The following RHPN2 variants were observed in gnomAD, a reference collection of about 807,000 sequenced individuals.
RHPN2 encodes the protein rhophilin Rho GTPase binding protein 2.
A neutral mutation model predicts 79.0 loss-of-function variants in RHPN2; 40 were observed. That is an observed-to-expected ratio of 0.51 (90% CI 0.39 to 0.66). The LOEUF (loss-of-function observed/expected upper bound fraction) is 0.66. Ranked by LOEUF, RHPN2 falls within the 30% of genes least tolerant of loss-of-function variation. The pLI, the probability that RHPN2 is intolerant of heterozygous loss-of-function variation, is 0.00. For synonymous variants in RHPN2, 285 were observed against 363.5 expected (o/e 0.78, Z 2.46); for missense variants, 686 against 883.5 (o/e 0.78, Z 2.83).
intron 14 of RHPN2, among the ~76,000 whole-genome samples, chr19:32,989,871 G>A (rs1306891237): frequency 1.3e-5 from 2 of 152,108 alleles, no homozygotes; most frequent in Non-Finnish European, 2.9e-5. Context: ...CTGGGAGGCC[G>A]AGGCTGGCAG....
At chr19:33,029,630 T>C (rs1460793413) in intron 2 of RHPN2, among the ~76,000 whole-genome samples, 1 of 151,982 alleles carries the variant, frequency 6.6e-6, no homozygotes, top group African/African-American at 2.4e-5. Context: ...ATCAATTCAA[T>C]GTGGAAAAGA....
chr19:33,013,933 G>T (rs1199956019), intron 4 of RHPN2, among the ~76,000 whole-genome samples: 1 of 151,966 alleles, frequency 6.6e-6, no homozygotes, highest in East Asian at 1.9e-4. Context: ...GGAGTGCAGT[G>T]GTGCGATCGC....
intron 4 of RHPN2, among the ~76,000 whole-genome samples, chr19:33,015,541 G>T (rs1971870989): frequency 6.6e-6 from 1 of 151,972 alleles, no homozygotes; most frequent in Non-Finnish European, 1.5e-5. Context: ...CACACATTAA[G>T]AAAAATAAGA....
intron 1 of RHPN2, among the ~76,000 whole-genome samples, chr19:33,058,473 C>CT (rs1972252362): frequency 6.6e-6 from 1 of 152,064 alleles, no homozygotes; most frequent in African/African-American, 2.4e-5. Context: ...TCATTTGATC[C>CT]TTAAGTGTGC....
intron 1 of RHPN2, among the ~76,000 whole-genome samples, chr19:33,055,476 G>A (rs1972224310): frequency 6.6e-6 from 1 of 151,986 alleles, no homozygotes; most frequent in Admixed American, 6.6e-5. Flanking sequence ...TTGACTCAAG[G>A]GTCCAAGGGG....
At chr19:33,063,572 G>C (rs746061093) in intron 1 of RHPN2, among the ~76,000 whole-genome samples, 1 of 152,120 alleles carries the variant, frequency 6.6e-6, no homozygotes, top group Non-Finnish European at 1.5e-5. Context: ...CCTGGCCAAG[G>C]GCCAAAAGCT....
intron 3 of RHPN2, among the ~76,000 whole-genome samples, chr19:33,025,720 A>C (rs972198060): frequency 6.6e-6 from 1 of 152,236 alleles, no homozygotes; most frequent in African/African-American, 2.4e-5. Context: ...ATGAGGAAAT[A>C]ATTAGCCAAC....
chr19:33,007,906 G>C (rs1172451222), intron 7 of RHPN2, 108 bp downstream of exon 7: 2 of 1,018,854 alleles, frequency 2.0e-6, no homozygotes, highest in African/African-American at 3.5e-5. Flanking sequence ...GCTGGAGACT[G>C]GTCTGGCCCT....
At chr19:33,032,651 A>T (rs950552317) in intron 2 of RHPN2, among the ~76,000 whole-genome samples, 6 of 152,190 alleles carry the variant, frequency 3.9e-5, no homozygotes, top group African/African-American at 1.4e-4. Context: ...ACAGGTCACA[A>T]TCTGCAGCTT....
intron 3 of RHPN2, 77 bp downstream of exon 3, chr19:33,026,427 C>T (rs560079119): frequency 1.7e-4 from 261 of 1,573,524 alleles, no homozygotes; most frequent in Non-Finnish European, 2.1e-4. Flanking sequence ...CGCTATCTGA[C>T]CTCTTTGTGC....
At chr19:33,026,705 C>G in intron 2 of RHPN2, 73 bp from the exon 3 acceptor site, 1 of 1,545,308 alleles carries the variant, frequency 6.5e-7, no homozygotes, top group African/African-American at 1.4e-5. Context: ...GACCCAATCC[C>G]CAGTCCCTGC....
intron 1 of RHPN2, among the ~76,000 whole-genome samples, chr19:33,057,185 A>C (rs1972240860): frequency 6.6e-6 from 1 of 151,284 alleles, no homozygotes; most frequent in Admixed American, 6.6e-5. Context: ...TCTACAAAAA[A>C]TTTAAAAATT....
chr19:33,059,329 C>T (rs1269548477), intron 1 of RHPN2, among the ~76,000 whole-genome samples: 15 of 147,250 alleles, frequency 1.0e-4, no homozygotes, highest in African/African-American at 3.6e-4. Context: ...GACGGAGTCT[C>T]GCTCTGCTGC....
At chr19:32,980,931 G>A (rs553355900) in intron 14 of RHPN2, among the ~76,000 whole-genome samples, 13 of 152,038 alleles carry the variant, frequency 8.6e-5, no homozygotes, top group African/African-American at 2.2e-4. Flanking sequence ...TCCGCCTCCC[G>A]GGTTCACGCC....
chr19:33,034,875 G>A (rs766468576), intron 2 of RHPN2, among the ~76,000 whole-genome samples: 19 of 151,988 alleles, frequency 1.3e-4, no homozygotes, highest in Admixed American at 2.0e-4. Flanking sequence ...GAGGCAGGAG[G>A]ACTGCTTGAG....
intron 1 of RHPN2, among the ~76,000 whole-genome samples, chr19:33,046,106 C>T: frequency 6.6e-6 from 1 of 152,202 alleles, no homozygotes; most frequent in South Asian, 2.1e-4. Flanking sequence ...CATCATTCAT[C>T]ATACAATGGG....
At chr19:33,064,678 C>T (rs945966328) in intron 1 of RHPN2, 106 bp downstream of exon 1, 114 of 1,243,434 alleles carry the variant, frequency 9.2e-5, no homozygotes, top group Non-Finnish European at 1.1e-4. Flanking sequence ...CCTCCCCCTC[C>T]CGGCCTAGTG....
intron 2 of RHPN2, among the ~76,000 whole-genome samples, chr19:33,033,855 G>A (rs1023227946): frequency 1.3e-5 from 2 of 151,790 alleles, no homozygotes; most frequent in Admixed American, 6.6e-5. Context: ...CAACAAGAGC[G>A]AAACTCCGTC....
rs374803629 is a variant in RHPN2, at chr19:32,991,986, C to T, written c.1498-17G>A. ...TAAGGGGCCCTTTGGAAGAGAGCATCGTTAGGTGTAGGATTTGAAGGCTGG... is the reference window on the plus strand; with the variant it reads ...TAAGGGGCCCTTTGGAAGAGAGCATTGTTAGGTGTAGGATTTGAAGGCTGG... On this transcript the variant is annotated splice_polypyrimidine_tract_variant and intron_variant, in intron 12 of 14. Transcript: ENST00000254260. The T allele has an allele frequency of 1.5e-5, 24 of 1,613,614 alleles. No homozygotes were observed. The highest frequency in any genetic ancestry group is 2.2e-5 in the East Asian group (1 of 44,878).
Sources: gnomAD v4.1 joint callset for allele counts (sites outside exome capture counted in the v4.1 genomes callset) on GRCh38, gnomAD v4.1.1 for gene constraint, MANE v1.5 for transcripts, NCBI Gene and HGNC (gene_info 2026-07-23, HGNC 2026-07-21) for gene names.